The following AHI1 variants were observed in gnomAD, a reference collection of about 807,000 sequenced individuals.
AHI1 encodes the protein jouberin.
AHI1 carries 123 observed loss-of-function variants against 149.3 expected under a neutral mutation model. The observed-to-expected ratio is 0.82, with a 90% CI of 0.71 to 0.96. The LOEUF is 0.96. Among genes scored for constraint, AHI1 ranks in the 40% least tolerant of loss-of-function variants. The pLI is 0.00. For missense variants in AHI1, 1,439 were observed against 1,422.7 expected (o/e 1.01, Z -0.18); for synonymous variants, 475 against 459.8 (o/e 1.03, Z -0.42).
chr6:135,389,508 C>T (rs1437563297), intron 23 of AHI1, among the ~76,000 whole-genome samples: 1 of 152,012 alleles, frequency 6.6e-6, no homozygotes, highest in Admixed American at 6.6e-5. Flanking sequence ...TCAAGTTTAA[C>T]ATAGTTTTAC....
In AHI1 at chr6:135,387,963, G is replaced by A. The variant is rs1195705796; in HGVS notation, c.3109+6813C>T. 5 of 1,613,480 alleles carry A rather than the reference G, an allele frequency of 3.1e-6. No homozygotes were observed. In the East Asian group the frequency reaches 1.1e-4, roughly 36 times the overall value. On this transcript the variant is annotated intron_variant, in intron 23 of 28. Coordinates refer to ENST00000265602, the MANE Select transcript of AHI1 (RefSeq NM_001134831.2). ...GATCCCAGGTCGGCTCAGTTCTTCT[G>A]GCTGGCTGACCCTGAGTCTAGTGCT...
At chr6:135,320,019 T>C (rs1053618033) in intron 25 of AHI1, among the ~76,000 whole-genome samples, 3 of 152,220 alleles carry the variant, frequency 2.0e-5, no homozygotes, top group Non-Finnish European at 2.9e-5. Flanking sequence ...CTTTGCATAG[T>C]TGGCTTCAGA....
intron 22 of AHI1, among the ~76,000 whole-genome samples, chr6:135,404,402 C>T (rs1583057294): frequency 6.6e-6 from 1 of 152,212 alleles, no homozygotes; most frequent in Admixed American, 6.5e-5. Context: ...TTGGGCAAAT[C>T]ACTCAACCTG....
rs185249049 is a variant in AHI1 at position 135,448,422 on chromosome 6, T to C, written c.1494A>G (p.Leu498=). The C allele has an allele frequency of 2.9e-5, 45 of 1,574,524 alleles. No homozygotes were observed. In the East Asian group the frequency reaches 2.9e-4, roughly 10 times the overall value. The stretch of plus-strand genomic sequence containing the variant: ...ATCGAGGCTTAGTAGGTGGGTAATA[T>C]AGCTGCAAGCGAAGTTTTGAGTTGA... ...ANINSKLRLQ[L]YYPPTKPRSP... The change falls in exon 12 of 29, where the codon CTA becomes CTG. Residue 498 remains leucine, a synonymous_variant. Transcript: ENST00000265602.
At chr6:135,366,842 G>C (rs1282487520) in intron 23 of AHI1, among the ~76,000 whole-genome samples, 2 of 151,934 alleles carry the variant, frequency 1.3e-5, no homozygotes, top group Non-Finnish European at 2.9e-5. Flanking sequence ...GTTTGTTCTT[G>C]TTTCTCTAGT....
intron 5 of AHI1, among the ~76,000 whole-genome samples, chr6:135,471,332 A>G (rs113436726): frequency 0.012 from 1,855 of 152,340 alleles, 45 homozygotes; most frequent in African/African-American, 0.042. Flanking sequence ...AAATACAGCA[A>G]TGAATGAAGT....
chr6:135,411,634 C>A lies in AHI1; in HGVS notation c.2765-90G>T, dbSNP rs1781610561. 14 of 1,029,650 alleles carry A rather than the reference C, an allele frequency of 1.4e-5. No individual in the cohort carries two copies. In the Admixed American group the frequency reaches 4.8e-4, roughly 35 times the overall value. The allele number at this position is 1,029,650 out of a possible 1,614,324, so 63.8% of individuals were successfully genotyped here. A position where few individuals can be genotyped will look rare whatever the true frequency, so the allele number is the denominator to read the frequency against. On this transcript the variant is annotated intron_variant, in intron 20 of 28. Transcript: ENST00000265602. ...GTAGCATTCAACAAATAATCAGAAA[C>A]TGCATAACACATCTTAAAAACTGGG... is the stretch of plus-strand genomic sequence containing the variant.
chr6:135,479,968 C>G (rs1793343484), intron 5 of AHI1, among the ~76,000 whole-genome samples: 1 of 152,200 alleles, frequency 6.6e-6, no homozygotes. Flanking sequence ...CATGTGAAGA[C>G]TGTGCCTGCT....
intron 8 of AHI1, among the ~76,000 whole-genome samples, chr6:135,460,019 T>G (rs751978060): frequency 6.6e-6 from 1 of 151,882 alleles, no homozygotes; most frequent in Non-Finnish European, 1.5e-5. Flanking sequence ...TAGTGAGACC[T>G]TGTCTCTACA....
intron 23 of AHI1, among the ~76,000 whole-genome samples, chr6:135,372,778 A>G (rs1339939894): frequency 6.6e-6 from 1 of 152,220 alleles, no homozygotes; most frequent in Non-Finnish European, 1.5e-5. Flanking sequence ...AAGGTAGGTA[A>G]CATTCCTAAG....
intron 13 of AHI1, among the ~76,000 whole-genome samples, chr6:135,445,282 TAGC>T (rs1368105792): frequency 5.3e-5 from 8 of 152,246 alleles, no homozygotes; most frequent in African/African-American, 1.9e-4. Context: ...TTTCATCTGG[TAGC>T]AGCTCATATG....
intron 24 of AHI1, among the ~76,000 whole-genome samples, chr6:135,341,113 T>A (rs999246503): frequency 1.3e-5 from 2 of 152,070 alleles, no homozygotes; most frequent in Non-Finnish European, 1.5e-5. Flanking sequence ...TCCTATCTTA[T>A]CAGTAATTTC....
chr6:135,461,330 C>A (rs774179115), intron 8 of AHI1, among the ~76,000 whole-genome samples: 116 of 151,922 alleles, frequency 7.6e-4, no homozygotes, highest in Middle Eastern at 3.4e-3. Flanking sequence ...TCAATAGTTA[C>A]CATGGAAATA....
At chr6:135,387,863 T>G in intron 23 of AHI1, 1 of 1,508,420 alleles carries the variant, frequency 6.6e-7, no homozygotes, top group South Asian at 1.4e-5. Flanking sequence ...GACAATTCTA[T>G]GAAGTAGGAA....
intron 26 of AHI1, among the ~76,000 whole-genome samples, chr6:135,317,498 A>C (rs1325630845): frequency 2.0e-5 from 3 of 148,618 alleles, no homozygotes; most frequent in Non-Finnish European, 3.0e-5. Flanking sequence ...CCTCCTTGGG[A>C]ACTCTTCATG....
rs1787345459 is a variant in AHI1, at chr6:135,447,019, G to A, written c.1768C>T (p.Leu590Phe). 1 of 1,610,918 alleles carries A rather than the reference G, an allele frequency of 6.2e-7. No individual in the cohort carries two copies. The highest frequency in any genetic ancestry group is 1.1e-5 in the South Asian group (1 of 90,204). Residue 590 changes from leucine (L) to phenylalanine (F), a missense_variant, in exon 13 of 29, where the codon CTC becomes TTC. Leu to Phe is a conservative substitution (Grantham distance 22). Transcript: ENST00000265602. ...ATCAAACACTTCACCTGCCCAGGGAGTCGTTTCCACTTTATTACTTCCTTT... is the reference window on the plus strand; with the variant it reads ...ATCAAACACTTCACCTGCCCAGGGAATCGTTTCCACTTTATTACTTCCTTT... ...ESKEVIKWKRLPGQACRIPNK... is the reference protein window; with the variant it reads ...ESKEVIKWKRFPGQACRIPNK...
intron 25 of AHI1, among the ~76,000 whole-genome samples, chr6:135,322,848 A>G (rs1787077232): frequency 6.6e-6 from 1 of 152,206 alleles, no homozygotes. Flanking sequence ...TGGCTAGAGA[A>G]GAACTGACAG....
chr6:135,315,629 A>C (rs1785830669), intron 26 of AHI1, among the ~76,000 whole-genome samples: 1 of 152,192 alleles, frequency 6.6e-6, no homozygotes, highest in Non-Finnish European at 1.5e-5. Context: ...CTACTGAAGA[A>C]GAAAAAATCC....
chr6:135,298,131 A>G (rs943095263), intron 27 of AHI1, among the ~76,000 whole-genome samples: 1 of 152,176 alleles, frequency 6.6e-6, no homozygotes, highest in African/African-American at 2.4e-5. Flanking sequence ...CCTCATTACC[A>G]ACTCTGACTT....
Sources: gnomAD v4.1 joint callset for allele counts (sites outside exome capture counted in the v4.1 genomes callset) on GRCh38, gnomAD v4.1.1 for gene constraint, MANE v1.5 for transcripts, NCBI Gene and HGNC (gene_info 2026-07-23, HGNC 2026-07-21) for gene names.